Variants in PIK3CA observed in about 807,000 individuals in gnomAD.
The protein encoded by PIK3CA is phosphatidylinositol-4,5-bisphosphate 3-kinase catalytic subunit alpha.
Under a neutral mutation model 138.2 loss-of-function variants are expected in PIK3CA, and 27 were observed. The ratio of observed to expected loss-of-function variants is 0.20; its 90% CI spans 0.14 to 0.27. The LOEUF (loss-of-function observed/expected upper bound fraction) is 0.27, where lower values mean the gene tolerates loss of function less well. PIK3CA is among the 10% of genes least tolerant of loss of function. The pLI, the probability that PIK3CA is intolerant of heterozygous loss-of-function variation, is 1.00. For missense variants in PIK3CA, 544 were observed against 1,277.4 expected (o/e 0.43, Z 8.75); for synonymous variants, 358 against 413.2 (o/e 0.87, Z 1.62).
Position 179,210,166 on chromosome 3 carries a change from AT to A in PIK3CA, c.1252-15del. ...TGTTTTATAATTTAGACTAGTGAAT[AT>A]TTTTCTTTGTTTTTTAAGGAACACT... On this transcript the variant is annotated intron_variant, in intron 7 of 20. Coordinates refer to ENST00000263967, the MANE Select transcript of PIK3CA (RefSeq NM_006218.4). 6.5e-7 allele frequency: 1 copy of A among 1,547,848 alleles called. No homozygotes were observed. Among genetic ancestry groups the A allele is most frequent in the Non-Finnish European group, 8.7e-7 (1 of 1,153,164 alleles).
intron 1 of PIK3CA, among the ~76,000 whole-genome samples, chr3:179,188,075 GGATGATGGTGCACT>G (rs1724037859): frequency 6.6e-6 from 1 of 152,216 alleles, no homozygotes. Flanking sequence ...GTGGAATTCA[GGATGATGGTGCACT>G]GATCTCAACT....
intron 1 of PIK3CA, among the ~76,000 whole-genome samples, chr3:179,177,189 A>G (rs1324709702): frequency 6.6e-6 from 1 of 152,108 alleles, no homozygotes; most frequent in East Asian, 1.9e-4. Context: ...CCAGTTTGCC[A>G]GTGGTCATTC....
intron 9 of PIK3CA, among the ~76,000 whole-genome samples, chr3:179,215,370 T>C (rs1468618951): frequency 1.3e-5 from 2 of 152,192 alleles, no homozygotes; most frequent in Non-Finnish European, 2.9e-5. Context: ...GAATAAAACT[T>C]CTATTTTTCA....
chr3:179,167,555 A>G (rs1723450780), intron 1 of PIK3CA, among the ~76,000 whole-genome samples: 1 of 152,144 alleles, frequency 6.6e-6, no homozygotes, highest in Non-Finnish European at 1.5e-5. Flanking sequence ...AAGTATTGAT[A>G]ACATTTGCAT....
chr3:179,170,445 A>G (rs1355466299), intron 1 of PIK3CA, among the ~76,000 whole-genome samples: 3 of 152,220 alleles, frequency 2.0e-5, no homozygotes, highest in Non-Finnish European at 4.4e-5. Flanking sequence ...ATGCTTTTTA[A>G]CACAGATTTT....
chr3:179,152,002 G>A (rs568241145), intron 1 of PIK3CA, among the ~76,000 whole-genome samples: 45 of 152,270 alleles, frequency 3.0e-4, no homozygotes, highest in African/African-American at 1.0e-3. Flanking sequence ...CTGTACAGTA[G>A]TATTCTTATT....
chr3:179,183,287 T>C (rs1366385346), intron 1 of PIK3CA, among the ~76,000 whole-genome samples: 1 of 152,202 alleles, frequency 6.6e-6, no homozygotes, highest in Non-Finnish European at 1.5e-5. Flanking sequence ...TTGTTTGGTC[T>C]TTATCATGGA....
intron 1 of PIK3CA, among the ~76,000 whole-genome samples, chr3:179,164,560 A>T (rs1037285447): frequency 2.6e-5 from 4 of 152,178 alleles, no homozygotes; most frequent in Admixed American, 6.5e-5. Flanking sequence ...ATCATTACTT[A>T]CCTAAGTTAG....
chr3:179,214,033 C>T (rs1244664214), intron 9 of PIK3CA, among the ~76,000 whole-genome samples: 2 of 152,230 alleles, frequency 1.3e-5, no homozygotes, highest in African/African-American at 4.8e-5. Flanking sequence ...TACGGCCTTG[C>T]TCTGGATTAG....
chr3:179,203,437 A>C (rs1441827957), intron 4 of PIK3CA, 107 bp from the exon 5 acceptor site: 1 of 1,071,408 alleles, frequency 9.3e-7, no homozygotes, highest in Non-Finnish European at 1.3e-6. Flanking sequence ...ATAATGTTTA[A>C]TTTTTTATCA....
chr3:179,163,334 C>T lies in PIK3CA; in HGVS notation c.-77+14731C>T, dbSNP rs79356406. Among the ~76,000 whole-genome samples, 4 of 152,136 alleles carry T rather than the reference C, an allele frequency of 2.6e-5. No homozygotes were observed. In the East Asian group the frequency reaches 7.8e-4, roughly 30 times the overall value. On this transcript the variant is annotated intron_variant, in intron 1 of 20. Transcript: ENST00000263967. Reference sequence around the variant, plus strand: ...CAAAGCTTCAAGAATTGTAAGTACTCAAAAGGAGGAACAATCATTCGTTCG... The same window carrying T: ...CAAAGCTTCAAGAATTGTAAGTACTTAAAAGGAGGAACAATCATTCGTTCG...
chr3:179,154,046 C>G (rs1723073656), intron 1 of PIK3CA, among the ~76,000 whole-genome samples: 1 of 152,198 alleles, frequency 6.6e-6, no homozygotes, highest in Admixed American at 6.5e-5. Flanking sequence ...TTCTTTCCCT[C>G]TCTACCTATA....
chr3:179,178,859 C>T (rs1000824998), intron 1 of PIK3CA, among the ~76,000 whole-genome samples: 23 of 152,182 alleles, frequency 1.5e-4, no homozygotes, highest in African/African-American at 5.1e-4. Context: ...TGTGACAATA[C>T]TTGTGAAATC....
At chr3:179,194,532 T>G (rs559473479) in intron 1 of PIK3CA, among the ~76,000 whole-genome samples, 6 of 152,298 alleles carry the variant, frequency 3.9e-5, no homozygotes, top group African/African-American at 1.4e-4. Context: ...AGTCTCCTTT[T>G]TACTAACGGT....
At chr3:179,164,079 A>G (rs1449648325) in intron 1 of PIK3CA, among the ~76,000 whole-genome samples, 1 of 152,208 alleles carries the variant, frequency 6.6e-6, no homozygotes. Context: ...GTTTATGAAG[A>G]GTTTACAATA....
At chr3:179,174,831 CTTG>C (rs911235070) in intron 1 of PIK3CA, among the ~76,000 whole-genome samples, 38 of 152,226 alleles carry the variant, frequency 2.5e-4, no homozygotes, top group African/African-American at 8.9e-4. Flanking sequence ...TTACAACTTT[CTTG>C]TTGTTTTTTA....
chr3:179,158,827 G>A (rs1019367852), intron 1 of PIK3CA, among the ~76,000 whole-genome samples: 21 of 152,196 alleles, frequency 1.4e-4, no homozygotes, highest in South Asian at 2.1e-4. Flanking sequence ...CCACTGATAC[G>A]AGTTTCTGTG....
At chr3:179,213,351 G>C (rs1724763472) in intron 9 of PIK3CA, among the ~76,000 whole-genome samples, 1 of 152,182 alleles carries the variant, frequency 6.6e-6, no homozygotes, top group South Asian at 2.1e-4. Context: ...CATCTGTAAA[G>C]TGTGTGATAG....
At chr3:179,199,920 C>T (rs922474796) in intron 3 of PIK3CA, 21 bp downstream of exon 3, 1 of 1,383,350 alleles carries the variant, frequency 7.2e-7, no homozygotes. Flanking sequence ...GACTAATCTA[C>T]TCTAATCATT....
Sources: gnomAD v4.1 joint callset for allele counts (sites outside exome capture counted in the v4.1 genomes callset) on GRCh38, gnomAD v4.1.1 for gene constraint, MANE v1.5 for transcripts, NCBI Gene and HGNC (gene_info 2026-07-23, HGNC 2026-07-21) for gene names.